The following GSN variants were observed in gnomAD, a reference collection of about 807,000 sequenced individuals.
GSN encodes the protein gelsolin.
GSN carries 56 observed loss-of-function variants against 85.7 expected under a neutral mutation model. The ratio of observed to expected loss-of-function variants is 0.65; its 90% confidence interval spans 0.53 to 0.82. GSN has a LOEUF of 0.82. GSN is among the 40% of genes least tolerant of loss of function. The pLI is 0.00. For missense variants in GSN, 857 were observed against 979.8 expected (o/e 0.87, Z 1.67); for synonymous variants, 373 against 399.1 (o/e 0.93, Z 0.78).
chr9:121,207,212 AGCCAGCCT>A (rs1310397316), upstream of GSN, among the ~76,000 whole-genome samples: 1 of 152,254 alleles, frequency 6.6e-6, no homozygotes, highest in Non-Finnish European at 1.5e-5. Flanking sequence ...CAAGCTAACA[AGCCAGCCT>A]GCCAGTTTCA....
At chr9:121,322,683 G>T (rs1457633122) in intron 11 of GSN, among the ~76,000 whole-genome samples, 1 of 152,140 alleles carries the variant, frequency 6.6e-6, no homozygotes, top group Non-Finnish European at 1.5e-5. Context: ...AGAGTCCCTG[G>T]TTCCCTATAG....
chr9:121,223,520 A>C (rs963643968), intron 4 of GSN, among the ~76,000 whole-genome samples: 26 of 152,168 alleles, frequency 1.7e-4, no homozygotes, highest in Admixed American at 3.3e-4. Flanking sequence ...ACCAAAGTAT[A>C]TATCATGGTT....
chr9:121,256,522 A>G (rs932045552), intron 6 of GSN, among the ~76,000 whole-genome samples: 1 of 152,040 alleles, frequency 6.6e-6, no homozygotes, highest in Non-Finnish European at 1.5e-5. Flanking sequence ...TGGGGAGGGT[A>G]AGGAGGAAGA....
chr9:121,286,164 CA>C, intron 2 of GSN: 4 of 1,535,082 alleles, frequency 2.6e-6, no homozygotes, highest in East Asian at 2.4e-5. Flanking sequence ...AAGAAGCCCT[CA>C]GGGGCAATTC....
chr9:121,323,120 C>T (rs1307819294), intron 11 of GSN, among the ~76,000 whole-genome samples: 2 of 152,142 alleles, frequency 1.3e-5, no homozygotes, highest in East Asian at 3.9e-4. Context: ...CATGAGCCAC[C>T]ACGCCAAGCT....
intron 12 of GSN, 101 bp from the exon 13 acceptor site, chr9:121,326,411 C>G (rs1156833363): frequency 3.2e-6 from 3 of 945,468 alleles, no homozygotes; most frequent in Non-Finnish European, 5.0e-6. Flanking sequence ...CACACAGACA[C>G]AAGCATGATG....
chr9:121,274,253 CT>C (rs139454923), intron 1 of GSN, among the ~76,000 whole-genome samples: 1,807 of 151,574 alleles, frequency 0.012, 36 homozygotes, highest in African/African-American at 0.041. Context: ...TTGCCTCCTA[CT>C]TTTTTTTTGT....
intron 6 of GSN, among the ~76,000 whole-genome samples, chr9:121,258,505 C>G (rs2055015578): frequency 6.6e-6 from 1 of 151,662 alleles, no homozygotes; most frequent in Non-Finnish European, 1.5e-5. Context: ...TAAGTAGTTA[C>G]TGATTTTTTT....
intron 6 of GSN, among the ~76,000 whole-genome samples, chr9:121,253,572 T>C (rs566360985): frequency 1.2e-4 from 18 of 152,314 alleles, no homozygotes; most frequent in Non-Finnish European, 1.0e-4. Context: ...CTCGAAGTTA[T>C]ATGGTATGAG....
At chr9:121,228,422 A>T (rs867130625) in intron 4 of GSN, among the ~76,000 whole-genome samples, 8 of 58,184 alleles carry the variant, frequency 1.4e-4, no homozygotes, top group Admixed American at 6.4e-4. Flanking sequence ...ATATATATAT[A>T]TATTTTTTTT....
At chr9:121,240,637 T>C (rs892669684) in intron 5 of GSN, among the ~76,000 whole-genome samples, 1 of 152,180 alleles carries the variant, frequency 6.6e-6, no homozygotes, top group Non-Finnish European at 1.5e-5. Flanking sequence ...AACCAGGACC[T>C]GTTTGGGGCT....
At chr9:121,227,072 C>T (rs2054283686) in intron 4 of GSN, among the ~76,000 whole-genome samples, 2 of 152,112 alleles carry the variant, frequency 1.3e-5, no homozygotes, top group Admixed American at 6.6e-5. Context: ...TCTGGCTGTT[C>T]ATCTGTATCC....
At chr9:121,222,016 C>G (rs765099635) in intron 4 of GSN, among the ~76,000 whole-genome samples, 11 of 152,230 alleles carry the variant, frequency 7.2e-5, no homozygotes, top group Admixed American at 5.9e-4. Flanking sequence ...CCCCTCAACA[C>G]TCTCTCCTCC....
chr9:121,301,327 C>T (rs2059815492), intron 2 of GSN, among the ~76,000 whole-genome samples: 1 of 152,078 alleles, frequency 6.6e-6, no homozygotes, highest in Admixed American at 6.5e-5. Context: ...ATCCAATTGG[C>T]AATAAGAAAA....
chr9:121,307,130 G>A (rs985002292), intron 4 of GSN, among the ~76,000 whole-genome samples: 1 of 151,880 alleles, frequency 6.6e-6, no homozygotes, highest in Non-Finnish European at 1.5e-5. Context: ...GCAGTGAGCC[G>A]AGATCGTACC....
At chr9:121,304,996 A>G (rs1032068425) in intron 4 of GSN, among the ~76,000 whole-genome samples, 1 of 152,144 alleles carries the variant, frequency 6.6e-6, no homozygotes, top group Non-Finnish European at 1.5e-5. Context: ...CAGGGATGAG[A>G]TAGATGAGTA....
chr9:121,220,281 G>A (rs921853726), intron 4 of GSN, among the ~76,000 whole-genome samples: 7 of 152,214 alleles, frequency 4.6e-5, no homozygotes, highest in African/African-American at 1.2e-4. Flanking sequence ...CCGCAGTGGC[G>A]TCAAAAGCCT....
intron 6 of GSN, among the ~76,000 whole-genome samples, chr9:121,260,003 C>T (rs2055048218): frequency 2.0e-5 from 3 of 152,198 alleles, no homozygotes; most frequent in African/African-American, 7.2e-5. Context: ...GACAGGTATA[C>T]AAACAAATTT....
At chr9:121,277,793 A>G (rs2056853960) in intron 1 of GSN, among the ~76,000 whole-genome samples, 1 of 152,224 alleles carries the variant, frequency 6.6e-6, no homozygotes, top group Non-Finnish European at 1.5e-5. Flanking sequence ...TATACTTGAG[A>G]TTATAAACAT....
Sources: allele counts gnomAD v4.1 joint callset (sites outside exome capture counted in the v4.1 genomes callset), GRCh38; gene constraint gnomAD v4.1.1; transcripts MANE v1.5; gene names NCBI Gene and HGNC (gene_info 2026-07-23, HGNC 2026-07-21).